ACTBL2: variants seen among roughly 807,000 people sequenced by gnomAD.
ACTBL2 encodes the protein actin beta like 2.
A neutral mutation model predicts 23.2 loss-of-function variants in ACTBL2; 29 were observed. The observed-to-expected ratio is 1.25, with a 90% CI of 0.93 to 1.71. ACTBL2 has a LOEUF of 1.71. Among genes scored for constraint, ACTBL2 ranks in the 40% most tolerant of loss-of-function variants. ACTBL2 has a pLI of 0.00. For synonymous variants in ACTBL2, 173 were observed against 182.1 expected, an observed-to-expected ratio of 0.95 and a Z score of 0.40; for missense variants, 524 against 486.2, an observed-to-expected ratio of 1.08 and a Z score of -0.73.
At position 57,481,557 on chromosome 5, in the gene ACTBL2, C is replaced by T; in HGVS notation, c.*20G>A. Reference sequence around the variant, plus strand: ...ACCTAGGAAAAGGGAAAATGTAAGCCCACTAATATGGAAGCCCATTCAGAA... The same window carrying T: ...ACCTAGGAAAAGGGAAAATGTAAGCTCACTAATATGGAAGCCCATTCAGAA... On this transcript the variant is annotated 3_prime_UTR_variant, in exon 1 of 1. Coordinates refer to ENST00000423391, the MANE Select transcript of ACTBL2 (RefSeq NM_001017992.4). The T allele has an allele frequency of 1.2e-6, 2 of 1,600,102 alleles. No homozygotes were observed. The highest frequency in any genetic ancestry group is 1.1e-5 in the South Asian group (1 of 89,506).
chr5:57,482,042 C>A lies in ACTBL2; in HGVS notation c.666G>T (p.Leu222=). The A allele has an allele frequency of 6.2e-7, 1 of 1,613,968 alleles. No individual in the cohort carries two copies. The highest frequency in any genetic ancestry group is 8.5e-7 in the Non-Finnish European group (1 of 1,179,994). Residue 222 remains leucine, a synonymous_variant, in exon 1 of 1, where the codon CTG becomes CTT. Coordinates refer to ENST00000423391, the MANE Select transcript of ACTBL2 (RefSeq NM_001017992.4). The part of the protein sequence containing the change: ...DVKEKLCYVA[L]DFEQEMVRAA... ...CCCTGACCATCTCCTGCTCAAAGTC[C>A]AGGGCTACGTAGCACAGCTTCTCTT...
rs1481402244 is a variant in ACTBL2 at position 57,480,785 on chromosome 5, C to T, written c.*792G>A. On this transcript the variant is annotated 3_prime_UTR_variant, in exon 1 of 1. Transcript: ENST00000423391. ...ATTTGATATTATAATATCTATCTCTCTTAAGAATTAGACATTGTCTGTAGT... is the reference window on the plus strand; with the variant it reads ...ATTTGATATTATAATATCTATCTCTTTTAAGAATTAGACATTGTCTGTAGT... The T allele has an allele frequency of 1.3e-5, 2 of 152,194 alleles. No individual in the cohort carries two copies. Among genetic ancestry groups the T allele is most frequent in the African/African-American group, 4.8e-5 (2 of 41,556 alleles). The allele number at this position is 152,194 out of a possible 1,614,324, so 9.4% of individuals were successfully genotyped here. A position where few individuals can be genotyped will look rare whatever the true frequency, so the allele number is the denominator to read the frequency against.
Position 57,481,684 on chromosome 5 carries a change from T to A in ACTBL2, c.1024A>T (p.Ile342Phe), listed in dbSNP as rs779495103. 3 of 1,613,682 alleles carry A rather than the reference T, an allele frequency of 1.9e-6. No individual in the cohort carries two copies. Among genetic ancestry groups the A allele is most frequent in the Non-Finnish European group, 2.5e-6 (3 of 1,179,918 alleles). ...AGGCTGGCAAGGATGGAGCCCCCAA[T>A]CCAAACAGAATACTTCCGCTCTGGG... is the stretch of plus-strand genomic sequence containing the variant. The part of the protein sequence containing the change: ...APPERKYSVW[I>F]GGSILASLST... The change falls in exon 1 of 1, where the codon ATT (isoleucine) becomes TTT (phenylalanine). Residue 342 changes from isoleucine to phenylalanine, a missense_variant. Ile to Phe is a conservative substitution (Grantham distance 21). Transcript: ENST00000423391.
Position 57,481,870 on chromosome 5 carries a change from A to G in ACTBL2, c.838T>C (p.Phe280Leu). 1 of 1,614,102 alleles carries G rather than the reference A, an allele frequency of 6.2e-7. No homozygotes were observed. Among genetic ancestry groups the G allele is most frequent in the African/African-American group, 1.3e-5 (1 of 75,042 alleles). ...ACATCGCACTTCATGATAGAGTTGA[A>G]GGTTGTCTCATGGATCCCACTGGAC... ...IESSGIHETT[F>L]NSIMKCDVDI... is the part of the protein sequence containing the mutation. The change falls in exon 1 of 1, where the codon TTC (phenylalanine) becomes CTC (leucine). Residue 280 changes from phenylalanine (F) to leucine (L), a missense_variant. By Grantham distance (22) the Phe-to-Leu change is conservative. Transcript: ENST00000423391.
At position 57,482,622 on chromosome 5, in the gene ACTBL2, C is replaced by CG. The variant is rs772022237; in HGVS notation, c.85dup (p.Arg29ProfsTer30). 3 of 1,613,862 alleles carry CG rather than the reference C, an allele frequency of 1.9e-6. No homozygotes were observed. The highest frequency in any genetic ancestry group is 2.5e-6 in the Non-Finnish European group (3 of 1,180,008). ...CCCTATCATGGAGGGGAACACAGCCCGGGGGGCATCGTCACCACCAAAGCC... is the reference window on the plus strand; with the variant it reads ...CCCTATCATGGAGGGGAACACAGCCCGGGGGGGCATCGTCACCACCAAAGCC... On this transcript the variant is annotated frameshift_variant, in exon 1 of 1. Coordinates refer to ENST00000423391, the MANE Select transcript of ACTBL2 (RefSeq NM_001017992.4). LOFTEE classifies it high-confidence loss of function.
At position 57,482,087 on chromosome 5, in the gene ACTBL2, C is replaced by T; in HGVS notation, c.621G>A (p.Arg207=). ...RGYNFTTTAE[R]EIVRDVKEKL... is the part of the protein sequence containing the mutation. ...TCTCTTTGACATCTCGCACAATCTC[C>T]CGCTCAGCAGTGGTGGTGAAGTTAT... is the stretch of plus-strand genomic sequence containing the variant. Residue 207 remains arginine, a synonymous_variant, in exon 1 of 1, where the codon CGG becomes CGA. Transcript: ENST00000423391. 6.2e-7 allele frequency: 1 copy of T among 1,614,090 alleles called. No homozygotes were observed. Among genetic ancestry groups the T allele is most frequent in the Non-Finnish European group, 8.5e-7 (1 of 1,180,022 alleles).
Position 57,481,636 on chromosome 5 carries a change from T to A in ACTBL2, c.1072A>T (p.Ile358Phe). ...GCCTCATCATATTCCTGCTTACTGA[T>A]CCACATCTGCTGGAATGTGGACAGG... ...ASLSTFQQMWISKQEYDEAGP... is the reference protein window; with the variant it reads ...ASLSTFQQMWFSKQEYDEAGP... The change falls in exon 1 of 1, where the codon ATC becomes TTC. Residue 358 changes from isoleucine to phenylalanine, a missense_variant. By Grantham distance (21) the Ile-to-Phe change is conservative (BLOSUM62 0). Transcript: ENST00000423391. The A allele has an allele frequency of 6.2e-7, 1 of 1,614,004 alleles. No individual in the cohort carries two copies. The highest frequency in any genetic ancestry group is 8.5e-7 in the Non-Finnish European group (1 of 1,180,000).
rs375912548 is a variant in ACTBL2 at position 57,481,962 on chromosome 5, A to G, written c.746T>C (p.Ile249Thr). The G allele has an allele frequency of 6.2e-7, 1 of 1,614,008 alleles. No homozygotes were observed. Among genetic ancestry groups the G allele is most frequent in the Non-Finnish European group, 8.5e-7 (1 of 1,180,030 alleles). Residue 249 changes from isoleucine to threonine, a missense_variant, in exon 1 of 1, where the codon ATC becomes ACC. Physicochemically the swap from Ile to Thr is moderately conservative, Grantham distance 89. Coordinates refer to ENST00000423391, the MANE Select transcript of ACTBL2 (RefSeq NM_001017992.4). Reference protein sequence around the residue: ...RSYELPDGQVITIGNERFRCP... With the variant: ...RSYELPDGQVTTIGNERFRCP... ...TCGGAAGCGTTCATTCCCAATGGTG[A>G]TCACCTGCCCATCAGGAAGTTCATA...
At position 57,481,938 on chromosome 5, in the gene ACTBL2, CG is replaced by C. The variant is rs1745167712; in HGVS notation, c.769del (p.Arg257AspfsTer28). On this transcript the variant is annotated frameshift_variant, in exon 1 of 1. Transcript: ENST00000423391. LOFTEE classifies it high-confidence loss of function. Reference sequence around the variant, plus strand: ...AGGCTGGAAAATGGCTTCAGGGCATCGGAAGCGTTCATTCCCAATGGTGATC... The same window carrying C: ...AGGCTGGAAAATGGCTTCAGGGCATCGAAGCGTTCATTCCCAATGGTGATC... ...QVITIGNERF[R>X]CPEAIFQPSF... is the part of the protein sequence containing the mutation. 1.9e-6 allele frequency: 3 copies of C among 1,614,092 alleles called. No individual in the cohort carries two copies. Among genetic ancestry groups the C allele is most frequent in the African/African-American group, 1.3e-5 (1 of 75,026 alleles).
At position 57,480,555 on chromosome 5, in the gene ACTBL2, A is replaced by C. The variant is rs887474976; in HGVS notation, c.*1022T>G. On this transcript the variant is annotated 3_prime_UTR_variant, in exon 1 of 1. Transcript: ENST00000423391. ...CATAATAAAGTAGAATTATTCTAAA[A>C]GCTTTCCAAGGATAAAACTGTGTTA... 5.3e-5 allele frequency: 8 copies of C among 152,120 alleles called. No homozygotes were observed. The highest frequency in any genetic ancestry group is 4.4e-5 in the Non-Finnish European group (3 of 67,956). The allele number at this position is 152,120 out of a possible 1,614,324, so 9.4% of individuals were successfully genotyped here.
rs1331844692 is a variant in ACTBL2 at position 57,482,373 on chromosome 5, T to C, written c.335A>G (p.Asn112Ser). 1.2e-6 allele frequency: 2 copies of C among 1,613,688 alleles called. No individual in the cohort carries two copies. Among genetic ancestry groups the C allele is most frequent in the Admixed American group, 1.7e-5 (1 of 59,972 alleles). Residue 112 changes from asparagine to serine, a missense_variant, in exon 1 of 1, where the codon AAC becomes AGC. Coordinates refer to ENST00000423391, the MANE Select transcript of ACTBL2 (RefSeq NM_001017992.4). ...HPILLTEAPL[N>S]PKINREKMTQ... is the part of the protein sequence containing the mutation. The stretch of plus-strand genomic sequence containing the variant: ...CATCTTTTCCCGGTTGATCTTGGGG[T>C]TCAGGGGTGCCTCGGTGAGGAGGAT...
rs759749382 is a variant in ACTBL2 at position 57,482,195 on chromosome 5, G to A, written c.513C>T (p.Ala171=). The A allele has an allele frequency of 1.1e-5, 17 of 1,614,114 alleles. No individual in the cohort carries two copies. The highest frequency in any genetic ancestry group is 1.7e-5 in the Admixed American group (1 of 60,014). The change falls in exon 1 of 1, where the codon GCC becomes GCT. Residue 171 remains alanine, a synonymous_variant. Coordinates refer to ENST00000423391, the MANE Select transcript of ACTBL2 (RefSeq NM_001017992.4). The stretch of plus-strand genomic sequence containing the variant: ...CCAGGCGTAGAATGGCATGAGGCAG[G>A]GCATAACCTTCATAGATGGGCACGA... ...THIVPIYEGY[A]LPHAILRLDL...
chr5:57,481,235 C>A lies in ACTBL2; in HGVS notation c.*342G>T. Reference sequence around the variant, plus strand: ...TTCTTGTTAAATATTTTAGCGAGAACTAAGTTTTAAAGCTTGATAATTATA... The same window carrying A: ...TTCTTGTTAAATATTTTAGCGAGAAATAAGTTTTAAAGCTTGATAATTATA... On this transcript the variant is annotated 3_prime_UTR_variant, in exon 1 of 1. Transcript: ENST00000423391. The A allele has an allele frequency of 5.2e-6, 1 of 191,820 alleles. No individual in the cohort carries two copies. 11.9% of individuals were successfully genotyped at this position (191,820 alleles called of 1,614,324 possible). A position where few individuals can be genotyped will look rare whatever the true frequency, so the allele number is the denominator to read the frequency against.
chr5:57,482,810 A>C lies in ACTBL2; in HGVS notation c.-103T>G. On this transcript the variant is annotated 5_prime_UTR_variant, in exon 1 of 1. Transcript: ENST00000423391. The stretch of plus-strand genomic sequence containing the variant: ...AAACACTCCAGAAATGCTTTCAGAC[A>C]CGGGAGGCTGCACCGGGACCACAGG... 1 of 1,409,452 alleles carries C rather than the reference A, an allele frequency of 7.1e-7. No individual in the cohort carries two copies. Among genetic ancestry groups the C allele is most frequent in the East Asian group, 2.3e-5 (1 of 42,704 alleles). 87.3% of individuals were successfully genotyped at this position (1,409,452 alleles called of 1,614,324 possible).
rs776067447 is a variant in ACTBL2 at position 57,482,447 on chromosome 5, C to T, written c.261G>A (p.Trp87Ter). 12 of 1,614,060 alleles carry T rather than the reference C, an allele frequency of 7.4e-6. No homozygotes were observed. Among genetic ancestry groups the T allele is most frequent in the Non-Finnish European group, 9.3e-6 (11 of 1,180,014 alleles). The change falls in exon 1 of 1, where the codon TGG becomes TGA. Residue 87 changes from tryptophan (W) to a stop codon, truncating the protein, a stop_gained. Coordinates refer to ENST00000423391, the MANE Select transcript of ACTBL2 (RefSeq NM_001017992.4). LOFTEE classifies it high-confidence loss of function. ...VTNWDDMEKIWYHTFYNELRV... is the reference protein window; with the variant it reads ...VTNWDDMEKI ...GGAGCTCATTGTAGAATGTGTGGTA[C>T]CAGATCTTTTCCATATCGTCCCAGT...
Position 57,482,091 on chromosome 5 carries a change from T to A in ACTBL2, c.617A>T (p.Glu206Val). The change falls in exon 1 of 1, where the codon GAG becomes GTG. Residue 206 changes from glutamate to valine, a missense_variant. Glu to Val is a moderately radical substitution (Grantham distance 121). Transcript: ENST00000423391. ...TTTGACATCTCGCACAATCTCCCGC[T>A]CAGCAGTGGTGGTGAAGTTATAGCC... ...ERGYNFTTTA[E>V]REIVRDVKEK... 6.2e-7 allele frequency: 1 copy of A among 1,614,084 alleles called. No individual in the cohort carries two copies. Among genetic ancestry groups the A allele is most frequent in the Non-Finnish European group, 8.5e-7 (1 of 1,180,034 alleles).
At position 57,482,579 on chromosome 5, in the gene ACTBL2, G is replaced by A. The variant is rs766613102; in HGVS notation, c.129C>T (p.Gly43=). The change falls in exon 1 of 1, where the codon GGC becomes GGT. Residue 43 remains glycine (G), a synonymous_variant. Coordinates refer to ENST00000423391, the MANE Select transcript of ACTBL2 (RefSeq NM_001017992.4). ...PSMIGRPRHQ[G]VMVGMGQKDC... ...CCTTCTGGCCCATGCCTACCATAAC[G>A]CCCTGGTGTCGAGGACGCCCTATCA... is the stretch of plus-strand genomic sequence containing the variant. 1.2e-6 allele frequency: 2 copies of A among 1,613,978 alleles called. No individual in the cohort carries two copies. The highest frequency in any genetic ancestry group is 1.7e-6 in the Non-Finnish European group (2 of 1,180,008).
Position 57,481,702 on chromosome 5 carries a change from G to T in ACTBL2, c.1006C>A (p.Arg336=). 6.2e-7 allele frequency: 1 copy of T among 1,613,878 alleles called. No homozygotes were observed. The highest frequency in any genetic ancestry group is 8.5e-7 in the Non-Finnish European group (1 of 1,179,956). ...MKIKIIAPPE[R]KYSVWIGGSI... ...CCCCCAATCCAAACAGAATACTTCC[G>T]CTCTGGGGGAGCTATGATCTTGATT... The change falls in exon 1 of 1, where the codon CGG becomes AGG. Residue 336 remains arginine, a synonymous_variant. Coordinates refer to ENST00000423391, the MANE Select transcript of ACTBL2 (RefSeq NM_001017992.4).
At position 57,481,750 on chromosome 5, in the gene ACTBL2, TTA is replaced by T. The variant is rs1217936492; in HGVS notation, c.956_957del (p.Ile319AsnfsTer41). 2 of 1,613,690 alleles carry T rather than the reference TTA, an allele frequency of 1.2e-6. No individual in the cohort carries two copies. The highest frequency in any genetic ancestry group is 1.7e-6 in the Non-Finnish European group (2 of 1,179,988). ...ATTTTCATGGTGCTGGGTGCCAGGGTTATGATTTCTTTCTGCATCCTGTCAGC... is the reference window on the plus strand; with the variant it reads ...ATTTTCATGGTGCTGGGTGCCAGGGTTGATTTCTTTCTGCATCCTGTCAGC... ...GIADRMQKEI[I>X]TLAPSTMKIK... On this transcript the variant is annotated frameshift_variant, in exon 1 of 1. Coordinates refer to ENST00000423391, the MANE Select transcript of ACTBL2 (RefSeq NM_001017992.4). LOFTEE classifies it high-confidence loss of function.
Sources: gnomAD v4.1 joint callset for allele counts on GRCh38, gnomAD v4.1.1 for gene constraint, MANE v1.5 for transcripts, NCBI Gene and HGNC (gene_info 2026-07-23, HGNC 2026-07-21) for gene names.